The following MKS1 variants were observed in gnomAD, a reference collection of about 807,000 sequenced individuals.
MKS1 encodes MKS transition zone complex subunit 1, also known as tectonic-like complex member MKS1.
MKS1 carries 70 observed loss-of-function variants against 83.7 expected under a neutral mutation model. The ratio of observed to expected loss-of-function variants is 0.84; its 90% CI spans 0.69 to 1.02. The LOEUF is 1.02. Ranked by LOEUF, MKS1 falls within the 50% of genes least tolerant of loss-of-function variation. The pLI is 0.00. For missense variants in MKS1, 681 were observed against 726.9 expected, an observed-to-expected ratio of 0.94 and a Z score of 0.73; for synonymous variants, 251 against 273.4, an observed-to-expected ratio of 0.92 and a Z score of 0.81.
chr17:58,210,731 G>A lies in MKS1; in HGVS notation c.959-7C>T, dbSNP rs773337994. 1.2e-6 allele frequency: 2 copies of A among 1,614,000 alleles called. No homozygotes were observed. The highest frequency in any genetic ancestry group is 2.2e-5 in the South Asian group (2 of 91,080). ...TCATAGCCTTGGGCTGAAACTACGA[G>A]AGAAAACAGGAAGCTATTTTAGCTT... On this transcript the variant is annotated splice_region_variant and splice_polypyrimidine_tract_variant and intron_variant, in intron 10 of 17. Coordinates refer to ENST00000393119, the MANE Select transcript of MKS1 (RefSeq NM_017777.4).
intron 3 of MKS1, 66 bp downstream of exon 3, chr17:58,216,600 G>C (rs2143822423): frequency 6.5e-7 from 1 of 1,527,944 alleles, no homozygotes; most frequent in African/African-American, 1.4e-5. Flanking sequence ...TTGGCAATAT[G>C]TATCACCAGC....
intron 5 of MKS1, 34 bp from the exon 6 acceptor site, chr17:58,214,421 C>T: frequency 6.2e-7 from 1 of 1,612,242 alleles, no homozygotes; most frequent in Non-Finnish European, 8.5e-7. Flanking sequence ...ACTTCCCTGG[C>T]ACACCCCAAT....
At position 58,210,974 on chromosome 17, in the gene MKS1, A is replaced by G; in HGVS notation, c.958+6T>C. ...ATCAAGAGATCTATGCTAGCAAGAC[A>G]CTTACCGACCTCTCCATTTACAAAG... is the stretch of plus-strand genomic sequence containing the variant. On this transcript the variant is annotated splice_donor_region_variant and intron_variant, in intron 10 of 17. Coordinates refer to ENST00000393119, the MANE Select transcript of MKS1 (RefSeq NM_017777.4). 1 of 1,613,724 alleles carries G rather than the reference A, an allele frequency of 6.2e-7. No individual in the cohort carries two copies. Among genetic ancestry groups the G allele is most frequent in the Non-Finnish European group, 8.5e-7 (1 of 1,179,684 alleles).
rs774080859 is a variant in MKS1, at chr17:58,207,059, GAAGTCA to G, written c.1407+20_1407+25del. 3.7e-6 allele frequency: 6 copies of G among 1,614,118 alleles called. No homozygotes were observed. In the African/African-American group the frequency reaches 8.0e-5, roughly 22 times the overall value. On this transcript the variant is annotated intron_variant, in intron 15 of 17. Coordinates refer to ENST00000393119, the MANE Select transcript of MKS1 (RefSeq NM_017777.4). ...GGACAGGACCATAAGTTCTCAGCGT[GAAGTCA>G]CTCCAAAGACAAAAGTCACCTTGAA...
At chr17:58,214,528 C>T in intron 5 of MKS1, 141 bp from the exon 6 acceptor site, 1 of 1,392,106 alleles carries the variant, frequency 7.2e-7, no homozygotes, top group Non-Finnish European at 9.9e-7. Flanking sequence ...ATTTGACAAA[C>T]AGAAATGACA....
At chr17:58,207,701 A>G (rs1200711108) in intron 14 of MKS1, 193 bp downstream of exon 14, 2 of 661,628 alleles carry the variant, frequency 3.0e-6, no homozygotes, top group East Asian at 2.7e-5. Flanking sequence ...GACTGTCAGG[A>G]AGTCAGTGCC....
Position 58,208,496 on chromosome 17 carries a change from G to A in MKS1, c.1095+17C>T, listed in dbSNP as rs937466353. The stretch of plus-strand genomic sequence containing the variant: ...AGATCTCATTCCCTTCCAGATACCC[G>A]CTCTCATTCTCCATACCATTGCCAG... On this transcript the variant is annotated intron_variant, in intron 12 of 17. Coordinates refer to ENST00000393119, the MANE Select transcript of MKS1 (RefSeq NM_017777.4). The A allele has an allele frequency of 6.8e-6, 11 of 1,612,400 alleles. No individual in the cohort carries two copies. The highest frequency in any genetic ancestry group is 1.3e-5 in the African/African-American group (1 of 74,802).
At chr17:58,207,040 G>A (rs1279624239) in intron 15 of MKS1, 45 bp downstream of exon 15, 11 of 1,613,532 alleles carry the variant, frequency 6.8e-6, no homozygotes, top group Admixed American at 1.7e-5. Flanking sequence ...AGAAGGACAG[G>A]ACCATAAGTT....
At chr17:58,212,726 T>C (rs1968948878) in intron 8 of MKS1, among the ~76,000 whole-genome samples, 1 of 152,214 alleles carries the variant, frequency 6.6e-6, no homozygotes, top group Non-Finnish European at 1.5e-5. Context: ...CAAAGGGTTG[T>C]TGTAAAGACT....
chr17:58,210,689 C>A lies in MKS1; in HGVS notation c.994G>T (p.Val332Phe), dbSNP rs775391594. 1 of 1,613,944 alleles carries A rather than the reference C, an allele frequency of 6.2e-7. No individual in the cohort carries two copies. The highest frequency in any genetic ancestry group is 8.5e-7 in the Non-Finnish European group (1 of 1,179,968). Reference protein sequence around the residue: ...AQGYEYDNLYVHFFVELPTAH... With the variant: ...AQGYEYDNLYFHFFVELPTAH... ...GTTGGCAATTCTACAAAGAAGTGGA[C>A]GTAGAGATTGTCATACTCATAGCCT... Residue 332 changes from valine (V) to phenylalanine (F), a missense_variant, in exon 11 of 18, where the codon GTC becomes TTC. Coordinates refer to ENST00000393119, the MANE Select transcript of MKS1 (RefSeq NM_017777.4).
At chr17:58,213,180 G>T in intron 7 of MKS1, 90 bp from the exon 8 acceptor site, 2 of 1,206,200 alleles carry the variant, frequency 1.7e-6, no homozygotes, top group Non-Finnish European at 1.2e-6. Flanking sequence ...GCGATCAGGG[G>T]CCATACACCT....
rs772982926 is a variant in MKS1 at position 58,214,285 on chromosome 17, G to C, written c.618C>G (p.Ile206Met). The change falls in exon 6 of 18, where the codon ATC (isoleucine) becomes ATG (methionine). Residue 206 changes from isoleucine to methionine, a missense_variant. Physicochemically the swap from Ile to Met is conservative, Grantham distance 10. Coordinates refer to ENST00000393119, the MANE Select transcript of MKS1 (RefSeq NM_017777.4). Reference protein sequence around the residue: ...VINTPLQTMHIMADLGPYKKL... With the variant: ...VINTPLQTMHMMADLGPYKKL... The stretch of plus-strand genomic sequence containing the variant: ...TTTTATAGGGCCCCAGGTCTGCCAT[G>C]ATGTGCATTGTCTGAAGAGGGGTGT... 1.1e-5 allele frequency: 18 copies of C among 1,614,076 alleles called. No homozygotes were observed. Among genetic ancestry groups the C allele is most frequent in the Non-Finnish European group, 1.5e-5 (18 of 1,180,044 alleles).
At chr17:58,215,820 C>A (rs1308872549) in intron 4 of MKS1, 3 of 456,530 alleles carry the variant, frequency 6.6e-6, no homozygotes, top group Non-Finnish European at 1.2e-5. Flanking sequence ...TTACTTCTCC[C>A]AGTATGCACT....
chr17:58,218,882 T>C lies in MKS1; in HGVS notation c.81-153A>G, dbSNP rs1173669377. On this transcript the variant is annotated intron_variant, in intron 1 of 17. Transcript: ENST00000393119. ...GGAGGTGGGTGGGTGCGCCGTCCTA[T>C]GGGGAAGAATGAAGGGGAGAGGGTG... 2.4e-5 allele frequency: 20 copies of C among 834,588 alleles called. No homozygotes were observed. The East Asian group carries it at 4.5e-4, about 19-fold the overall frequency. The allele number at this position is 834,588 out of a possible 1,614,324, so 51.7% of individuals were successfully genotyped here. A position where few individuals can be genotyped will look rare whatever the true frequency, so the allele number is the denominator to read the frequency against.
chr17:58,214,429 A>C (rs571825005), intron 5 of MKS1, 42 bp from the exon 6 acceptor site: 1 of 1,612,124 alleles, frequency 6.2e-7, no homozygotes, highest in East Asian at 2.2e-5. Flanking sequence ...GGCACACCCC[A>C]ATGGAGCACC....
rs1440032995 is a variant in MKS1, at chr17:58,208,513, C to G, written c.1095G>C (p.Met365Ile). ...AGATACCCGCTCTCATTCTCCATAC[C>G]ATTGCCAGGGACTTGGTGGTGCAGG... is the stretch of plus-strand genomic sequence containing the variant. ...TQTCTTKSLA[M>I]DKVAHFSYPF... The change falls in exon 12 of 18, where the codon ATG (methionine) becomes ATC (isoleucine). Residue 365 changes from methionine to isoleucine, a missense_variant and splice_region_variant. This residue lies in a region of MKS1 where 310 missense variants were observed against 321.7 expected (regional missense o/e 0.96). Coordinates refer to ENST00000393119, the MANE Select transcript of MKS1 (RefSeq NM_017777.4). The G allele has an allele frequency of 3.7e-6, 6 of 1,613,872 alleles. No homozygotes were observed. In the African/African-American group the frequency reaches 8.0e-5, roughly 22 times the overall value.
At chr17:58,218,784 A>T in intron 1 of MKS1, 55 bp from the exon 2 acceptor site, 1 of 1,453,498 alleles carries the variant, frequency 6.9e-7, no homozygotes, top group South Asian at 1.1e-5. Flanking sequence ...GGAGATGAAC[A>T]CAAAGCAAGG....
chr17:58,206,659 G>A, intron 15 of MKS1, 112 bp from the exon 16 acceptor site: 1 of 1,087,006 alleles, frequency 9.2e-7, no homozygotes, highest in Non-Finnish European at 1.4e-6. Context: ...CAGTTCTGTT[G>A]GGGAAACCTT....
intron 2 of MKS1, among the ~76,000 whole-genome samples, chr17:58,218,220 G>A (rs1010501481): frequency 2.6e-5 from 4 of 152,148 alleles, no homozygotes; most frequent in South Asian, 2.1e-4. Flanking sequence ...AGGCCAAGGC[G>A]GGCGGATCAC....
Sources: allele counts gnomAD v4.1 joint callset (sites outside exome capture counted in the v4.1 genomes callset), GRCh38; gene constraint gnomAD v4.1.1; regional missense constraint gnomAD v4.1.1; transcripts MANE v1.5; gene names NCBI Gene and HGNC (gene_info 2026-07-23, HGNC 2026-07-21).